Variants in AK9 observed in about 807,000 individuals in gnomAD.
The protein encoded by AK9 is adenylate kinase 9.
In AK9, 191 loss-of-function variants were observed where a neutral mutation model predicts 239.6. The ratio of observed to expected loss-of-function variants is 0.80; its 90% CI spans 0.71 to 0.90. The LOEUF is 0.90. Ranked by LOEUF, AK9 falls within the 40% of genes least tolerant of loss-of-function variation. The pLI is 0.00. For missense variants in AK9, 1,995 were observed against 2,214.7 expected, an observed-to-expected ratio of 0.90 and a Z score of 1.99; for synonymous variants, 689 against 721.0, an observed-to-expected ratio of 0.96 and a Z score of 0.71.
intron 28 of AK9, among the ~76,000 whole-genome samples, chr6:109,530,970 G>A (rs989397357): frequency 3.9e-5 from 6 of 152,234 alleles, no homozygotes; most frequent in African/African-American, 1.4e-4. Flanking sequence ...TTGAACCCAA[G>A]TGGCGGAGGT....
At chr6:109,499,312 A>G (rs1470406212) in intron 35 of AK9, 72 bp from the exon 36 acceptor site, 2 of 1,215,352 alleles carry the variant, frequency 1.6e-6, no homozygotes, top group East Asian at 5.8e-5. Context: ...AGAAATTAAA[A>G]TAATTTTAAT....
chr6:109,524,469 T>C (rs554203817), intron 29 of AK9, among the ~76,000 whole-genome samples: 8 of 152,282 alleles, frequency 5.3e-5, no homozygotes, highest in Admixed American at 3.9e-4. Flanking sequence ...TAAAGAAGCT[T>C]AGTGAACTCC....
intron 9 of AK9, among the ~76,000 whole-genome samples, chr6:109,643,725 C>G (rs976612083): frequency 2.6e-5 from 4 of 152,168 alleles, no homozygotes; most frequent in Non-Finnish European, 5.9e-5. Context: ...AGTCTTGGCT[C>G]TATTCCACCC....
intron 26 of AK9, among the ~76,000 whole-genome samples, chr6:109,545,127 A>G (rs1783373953): frequency 1.3e-5 from 2 of 152,228 alleles, no homozygotes; most frequent in South Asian, 4.1e-4. Context: ...GATTAACACC[A>G]GTAAGCACAG....
intron 17 of AK9, among the ~76,000 whole-genome samples, chr6:109,601,096 TG>T (rs1419162149): frequency 6.6e-6 from 1 of 152,158 alleles, no homozygotes; most frequent in Non-Finnish European, 1.5e-5. Flanking sequence ...CTCTGATCTT[TG>T]TTATTTCTTG....
At position 109,540,325 on chromosome 6, in the gene AK9, G is replaced by A. The variant is rs535272228; in HGVS notation, c.3350+1722C>T. ...TGGTGGGTGCCCCTCCCCCAGCCTC[G>A]CTGCCATGTTGCAATTTGATCTCAG... is the stretch of plus-strand genomic sequence containing the variant. On this transcript the variant is annotated intron_variant, in intron 27 of 40. Transcript: ENST00000424296. Among the ~76,000 whole-genome samples the A allele has an allele frequency of 7.9e-5, 12 of 152,266 alleles. No homozygotes were observed. The East Asian group carries it at 9.7e-4, about 12-fold the overall frequency.
chr6:109,649,811 A>G lies in AK9; in HGVS notation c.760-5123T>C, dbSNP rs527760792. On this transcript the variant is annotated intron_variant, in intron 8 of 40. Coordinates refer to ENST00000424296, the MANE Select transcript of AK9 (RefSeq NM_001145128.3). ...AAGCCAAAAGAACAAAGCTGGAGGC[A>G]TCACGCTACCTGACTTCAAACTATA... Among the ~76,000 whole-genome samples, 992 of 150,232 alleles carry G rather than the reference A, an allele frequency of 6.6e-3. 16 individuals carry two copies. The highest frequency in any genetic ancestry group is 0.024 in the African/African-American group (940 of 39,546).
intron 7 of AK9, 123 bp downstream of exon 7, chr6:109,659,105 C>A (rs1314655326): frequency 7.8e-7 from 1 of 1,279,814 alleles, no homozygotes; most frequent in East Asian, 2.7e-5. Context: ...TTCCTCCAAA[C>A]TCAATAAAGA....
chr6:109,540,116 A>G (rs1782658650), intron 27 of AK9, among the ~76,000 whole-genome samples: 1 of 151,280 alleles, frequency 6.6e-6, no homozygotes, highest in African/African-American at 2.4e-5. Context: ...GAGAACCACT[A>G]CTCTCTTCAA....
intron 35 of AK9, among the ~76,000 whole-genome samples, chr6:109,500,775 T>C (rs1343237119): frequency 1.3e-5 from 2 of 152,126 alleles, no homozygotes; most frequent in Non-Finnish European, 1.5e-5. Context: ...CGCAGCACTT[T>C]GGGAGGCTGA....
intron 24 of AK9, among the ~76,000 whole-genome samples, chr6:109,556,173 G>A (rs1352524472): frequency 2.0e-5 from 3 of 152,092 alleles, no homozygotes; most frequent in Non-Finnish European, 4.4e-5. Flanking sequence ...TACATATTTA[G>A]TGCTTCTTTC....
At chr6:109,594,267 T>C (rs1790705718) in intron 17 of AK9, among the ~76,000 whole-genome samples, 1 of 152,110 alleles carries the variant, frequency 6.6e-6, no homozygotes. Context: ...TCATTCACAA[T>C]TGCTACAAAA....
At chr6:109,562,098 C>G (rs1434850400) in intron 24 of AK9, among the ~76,000 whole-genome samples, 2 of 152,024 alleles carry the variant, frequency 1.3e-5, no homozygotes, top group Non-Finnish European at 2.9e-5. Flanking sequence ...ATATATTGTG[C>G]AAATATTCAA....
intron 29 of AK9, among the ~76,000 whole-genome samples, chr6:109,525,357 T>C (rs182060427): frequency 1.2e-4 from 19 of 152,226 alleles, no homozygotes; most frequent in African/African-American, 4.1e-4. Context: ...AAAGAAACTA[T>C]CAACAGAAGA....
At chr6:109,635,410 A>G in intron 10 of AK9, among the ~76,000 whole-genome samples, 1 of 152,226 alleles carries the variant, frequency 6.6e-6, no homozygotes, top group East Asian at 1.9e-4. Flanking sequence ...AATGGAGAGC[A>G]GAAAACAGTG....
chr6:109,676,027 G>A (rs1771702979), intron 1 of AK9, among the ~76,000 whole-genome samples: 1 of 152,052 alleles, frequency 6.6e-6, no homozygotes, highest in South Asian at 2.1e-4. Flanking sequence ...AAAAAATACA[G>A]ATTTGTGTGT....
At chr6:109,602,831 A>G (rs1792221651) in intron 17 of AK9, among the ~76,000 whole-genome samples, 1 of 152,034 alleles carries the variant, frequency 6.6e-6, no homozygotes. Context: ...TTGATCTTTA[A>G]TCACTGATAC....
chr6:109,644,888 C>T (rs1797851134), intron 8 of AK9, among the ~76,000 whole-genome samples, 200 bp from the exon 9 acceptor site: 1 of 152,086 alleles, frequency 6.6e-6, no homozygotes, highest in Admixed American at 6.6e-5. Context: ...TTTTATTTTC[C>T]TGTTTAAAAA....
chr6:109,645,293 C>T (rs986083808), intron 8 of AK9, among the ~76,000 whole-genome samples: 13 of 152,172 alleles, frequency 8.5e-5, no homozygotes, highest in African/African-American at 1.7e-4. Context: ...GGGGGGATTT[C>T]GCTTTCCTAG....
Sources: gnomAD v4.1 joint callset for allele counts (sites outside exome capture counted in the v4.1 genomes callset) on GRCh38, gnomAD v4.1.1 for gene constraint, MANE v1.5 for transcripts, NCBI Gene and HGNC (gene_info 2026-07-23, HGNC 2026-07-21) for gene names.